POU2F1: variants seen among roughly 807,000 people sequenced by gnomAD.
The protein encoded by POU2F1 is POU domain, class 2, transcription factor 1.
A neutral mutation model predicts 84.9 loss-of-function variants in POU2F1; 16 were observed. The ratio of observed to expected loss-of-function variants is 0.19; its 90% CI spans 0.13 to 0.29. The LOEUF (loss-of-function observed/expected upper bound fraction) is 0.29, where lower values mean the gene tolerates loss of function less well. Among genes scored for constraint, POU2F1 ranks in the 10% least tolerant of loss-of-function variants. POU2F1 has a pLI of 1.00. For synonymous variants in POU2F1, 368 were observed against 368.3 expected, an observed-to-expected ratio of 1.00 and a Z score of 0.01; for missense variants, 738 against 942.6, an observed-to-expected ratio of 0.78 and a Z score of 2.84.
rs1647762606 is a variant in POU2F1 at position 167,383,944 on chromosome 1, C to A, written c.806C>A (p.Thr269Asn). ...LLQSQPSITL[T>N]SQPATPTRTI... ...CAGTCGCAGCCAAGCATCACCCTCA[C>A]CTCCCAGGTCAGTTTTCTTCTATGG... Residue 269 changes from threonine to asparagine, a missense_variant, in exon 8 of 16, where the codon ACC (threonine) becomes AAC (asparagine). Thr to Asn is a moderately conservative substitution (Grantham distance 65). Transcript: ENST00000367866. The A allele has an allele frequency of 1.2e-6, 2 of 1,611,940 alleles. No homozygotes were observed. Among genetic ancestry groups the A allele is most frequent in the African/African-American group, 2.7e-5 (2 of 74,862 alleles).
chr1:167,332,410 C>T, intron 1 of POU2F1, 60 bp from the exon 2 acceptor site: 1 of 1,381,318 alleles, frequency 7.2e-7, no homozygotes. Flanking sequence ...GTTTTGCCTC[C>T]TCAATCCCAT....
At chr1:167,340,809 T>C (rs1253596526) in intron 2 of POU2F1, among the ~76,000 whole-genome samples, 1 of 152,202 alleles carries the variant, frequency 6.6e-6, no homozygotes, top group Non-Finnish European at 1.5e-5. Context: ...GATTTTGTTC[T>C]CAATAAATTT....
At chr1:167,271,902 T>C (rs1652393110) in intron 1 of POU2F1, among the ~76,000 whole-genome samples, 2 of 152,214 alleles carry the variant, frequency 1.3e-5, no homozygotes, top group Non-Finnish European at 2.9e-5. Flanking sequence ...AAAAGCATAA[T>C]ATTTCATGAC....
chr1:167,413,212 T>C (rs1243472755), intron 15 of POU2F1, 98 bp downstream of exon 15: 1 of 1,108,526 alleles, frequency 9.0e-7, no homozygotes, highest in Non-Finnish European at 1.3e-6. Flanking sequence ...ATAGAGGAAG[T>C]CTGCTTTGCT....
Position 167,371,960 on chromosome 1 carries a change from A to T in POU2F1, c.326A>T (p.Gln109Leu), listed in dbSNP as rs1660028016. 4 of 1,614,168 alleles carry T rather than the reference A, an allele frequency of 2.5e-6. No individual in the cohort carries two copies. Among genetic ancestry groups the T allele is most frequent in the Non-Finnish European group, 3.4e-6 (4 of 1,179,988 alleles). Residue 109 changes from glutamine to leucine, a missense_variant, in exon 5 of 16, where the codon CAG becomes CTG. Gln to Leu is a moderately radical substitution (Grantham distance 113, BLOSUM62 -2). Coordinates refer to ENST00000367866, the MANE Select transcript of POU2F1 (RefSeq NM_002697.4). ...EESGDSQQPS[Q>L]PSQQPSVQAA... ...TCGGGGGATTCGCAGCAGCCAAGCC[A>T]GCCTTCCCAGCAGCCTTCAGTGCAG...
In POU2F1 at chr1:167,290,811, G is replaced by C. The variant is rs182869173; in HGVS notation, c.62-41659G>C. 1.5e-3 allele frequency among the ~76,000 whole-genome samples: 233 copies of C among 152,304 alleles called. 2 individuals are homozygous for C. The South Asian group carries it at 0.018, about 12-fold the overall frequency. On this transcript the variant is annotated intron_variant, in intron 1 of 15. Coordinates refer to ENST00000367866, the MANE Select transcript of POU2F1 (RefSeq NM_002697.4). ...TAATCCCAACACTGGGAAGTGAAGG[G>C]GGGAGGATCACTTGAGGCCAAGAGT...
At chr1:167,398,792 G>A (rs955332912) in intron 11 of POU2F1, among the ~76,000 whole-genome samples, 1 of 133,632 alleles carries the variant, frequency 7.5e-6, no homozygotes, top group Non-Finnish European at 1.6e-5. Flanking sequence ...GGCAAATCAT[G>A]TGATTTCTTT....
intron 1 of POU2F1, among the ~76,000 whole-genome samples, chr1:167,311,736 T>C (rs1655485924): frequency 6.6e-6 from 1 of 152,006 alleles, no homozygotes; most frequent in South Asian, 2.1e-4. Context: ...ACAATGTCTT[T>C]GTATTTTAAG....
At chr1:167,371,418 A>G (rs1266621133) in intron 4 of POU2F1, among the ~76,000 whole-genome samples, 1 of 152,200 alleles carries the variant, frequency 6.6e-6, no homozygotes, top group African/African-American at 2.4e-5. Context: ...TCTTGACTGC[A>G]GCATTTTCTC....
At chr1:167,393,844 C>CA (rs1234034123) in intron 9 of POU2F1, among the ~76,000 whole-genome samples, 1 of 152,118 alleles carries the variant, frequency 6.6e-6, no homozygotes, top group Non-Finnish European at 1.5e-5. Context: ...TTTATATACT[C>CA]AAAGAATTGC....
chr1:167,396,318 T>C lies in POU2F1; in HGVS notation c.1020T>C (p.Tyr340=). The C allele has an allele frequency of 6.2e-7, 1 of 1,614,152 alleles. No homozygotes were observed. The highest frequency in any genetic ancestry group is 8.5e-7 in the Non-Finnish European group (1 of 1,179,980). ...TTGGGCTCGCTATGGGGAAACTATATGGAAATGACTTCAGCCAAACTACCA... is the reference window on the plus strand; with the variant it reads ...TTGGGCTCGCTATGGGGAAACTATACGGAAATGACTTCAGCCAAACTACCA... ...GDVGLAMGKL[Y]GNDFSQTTIS... The change falls in exon 10 of 16, where the codon TAT becomes TAC. Residue 340 remains tyrosine, a synonymous_variant. Transcript: ENST00000367866.
At position 167,349,379 on chromosome 1, in the gene POU2F1, C is replaced by A. The variant is rs557176971; in HGVS notation, c.128-16088C>A. ...AATTCATAAATGCATTACTTGTGCA[C>A]CCCGGCCAGACTCGCTATCCCTTTT... is the stretch of plus-strand genomic sequence containing the variant. On this transcript the variant is annotated intron_variant, in intron 2 of 15. Transcript: ENST00000367866. Among the ~76,000 whole-genome samples, 287 of 152,242 alleles carry A rather than the reference C, an allele frequency of 1.9e-3. 2 individuals are homozygous for A. The highest frequency in any genetic ancestry group is 2.5e-3 in the Non-Finnish European group (172 of 68,008).
intron 1 of POU2F1, among the ~76,000 whole-genome samples, chr1:167,270,195 C>T (rs1254808008): frequency 6.6e-6 from 1 of 151,522 alleles, no homozygotes; most frequent in African/African-American, 2.4e-5. Flanking sequence ...ATTTTTTTCC[C>T]CATATGTTCT....
intron 1 of POU2F1, among the ~76,000 whole-genome samples, chr1:167,304,705 T>C (rs1409700705): frequency 6.6e-6 from 1 of 152,248 alleles, no homozygotes; most frequent in East Asian, 1.9e-4. Context: ...CCTTTAAAAA[T>C]GTTTATGAAA....
At chr1:167,312,640 A>G (rs148048805) in intron 1 of POU2F1, among the ~76,000 whole-genome samples, 5 of 152,286 alleles carry the variant, frequency 3.3e-5, no homozygotes, top group Admixed American at 1.3e-4. Context: ...AATTGAGTGT[A>G]GCCTAAGTGT....
intron 2 of POU2F1, among the ~76,000 whole-genome samples, chr1:167,338,730 C>T (rs1000579849): frequency 2.0e-4 from 31 of 152,108 alleles, no homozygotes; most frequent in Admixed American, 3.3e-4. Flanking sequence ...AAGATTATTC[C>T]GTATTGTAGC....
chr1:167,332,399 A>T, intron 1 of POU2F1, 71 bp from the exon 2 acceptor site: 2 of 1,152,472 alleles, frequency 1.7e-6, no homozygotes, highest in Non-Finnish European at 2.6e-6. Flanking sequence ...TCTCTGCCAC[A>T]GTTTTGCCTC....
rs565799134 is a variant in POU2F1, at chr1:167,222,971, C to T, written c.61+2013C>T. Among the ~76,000 whole-genome samples, 3 of 151,540 alleles carry T rather than the reference C, an allele frequency of 2.0e-5. No individual in the cohort carries two copies. The East Asian group carries it at 5.8e-4, about 29-fold the overall frequency. On this transcript the variant is annotated intron_variant, in intron 1 of 15. Coordinates refer to ENST00000367866, the MANE Select transcript of POU2F1 (RefSeq NM_002697.4). ...GTAAAACTGACACTTTTTTTTTCCT[C>T]TAGGAGTTGTGGAGTAGCTAAATAT...
intron 1 of POU2F1, among the ~76,000 whole-genome samples, chr1:167,299,695 G>GTTTTGTTTTTT (rs1553204505): frequency 9.3e-5 from 13 of 139,392 alleles, no homozygotes; most frequent in African/African-American, 3.6e-4. Flanking sequence ...GGAGACCAGA[G>GTTTTGTTTTTT]TTTTTTTTTT....
Sources: allele counts gnomAD v4.1 joint callset (sites outside exome capture counted in the v4.1 genomes callset), GRCh38; gene constraint gnomAD v4.1.1; transcripts MANE v1.5; gene names NCBI Gene and HGNC (gene_info 2026-07-23, HGNC 2026-07-21).